Variants in USP20 observed in about 807,000 individuals in gnomAD.
The protein encoded by USP20 is ubiquitin specific peptidase 20.
In USP20, 80 loss-of-function variants were observed where a neutral mutation model predicts 124.2. The observed-to-expected ratio is 0.64, with a 90% confidence interval of 0.54 to 0.78. USP20 has a LOEUF of 0.78. USP20 is among the 30% of genes least tolerant of loss of function. The probability of loss-of-function intolerance (pLI) is 0.00; values close to 1 mark genes in which losing one functional copy is unlikely to be tolerated. For synonymous variants in USP20, 481 were observed against 512.3 expected (o/e 0.94, Z 0.83); for missense variants, 1,043 against 1,244.4 (o/e 0.84, Z 2.44).
chr9:129,852,701 A>G, intron 3 of USP20, 65 bp downstream of exon 3: 1 of 1,483,076 alleles, frequency 6.7e-7, no homozygotes, highest in African/African-American at 1.4e-5. Context: ...TGGGGTGTGG[A>G]CATTTCTGAA....
rs2034537359 is a variant in USP20, at chr9:129,879,227, G to C, written c.2513-346G>C. ...CTTCCCAGGCCTCGGCTCTGTCTCT[G>C]TAAACCTCTGTCTTGTCCTGTGGTT... On this transcript the variant is annotated intron_variant, in intron 23 of 25. Coordinates refer to ENST00000372429, the MANE Select transcript of USP20 (RefSeq NM_001110303.4). The surrounding 1 kb of genome is among the most constrained non-coding windows in gnomAD (Gnocchi z 4.2). The C allele has an allele frequency of 3.6e-6, 1 of 274,910 alleles. No individual in the cohort carries two copies. The highest frequency in any genetic ancestry group is 6.9e-6 in the Non-Finnish European group (1 of 145,418). The allele number at this position is 274,910 out of a possible 1,614,324, so 17.0% of individuals were successfully genotyped here.
Position 129,860,957 on chromosome 9 carries a change from C to T in USP20, c.351C>T (p.His117=), listed in dbSNP as rs1378659254. The T allele has an allele frequency of 5.0e-6, 8 of 1,612,756 alleles. No individual in the cohort carries two copies. Among genetic ancestry groups the T allele is most frequent in the Non-Finnish European group, 6.8e-6 (8 of 1,178,926 alleles). The change falls in exon 7 of 26, where the codon CAC becomes CAT. Residue 117 remains histidine, a synonymous_variant. Transcript: ENST00000372429. The stretch of plus-strand genomic sequence containing the variant: ...CACAGGACTCCCCGCCACCCTCCCA[C>T]CCTCTGAAAGCTGTTCCTATTGCTG... ...FSEQDSPPPS[H]PLKAVPIAVA... is the part of the protein sequence containing the mutation.
intron 10 of USP20, among the ~76,000 whole-genome samples, chr9:129,867,155 T>C (rs1389688427): frequency 6.6e-6 from 1 of 152,110 alleles, no homozygotes; most frequent in Non-Finnish European, 1.5e-5. Context: ...ACCCAAGTCC[T>C]TCTCCAATGC....
At chr9:129,878,893 A>AAATTTCG (rs1252332555) in intron 23 of USP20, among the ~76,000 whole-genome samples, 2 of 152,244 alleles carry the variant, frequency 1.3e-5, no homozygotes, top group South Asian at 2.1e-4. Flanking sequence ...CCTGCATTAA[A>AAATTTCG]AATTTCGGCT....
intron 3 of USP20, among the ~76,000 whole-genome samples, chr9:129,853,404 T>C (rs1338567267): frequency 2.0e-5 from 3 of 152,226 alleles, no homozygotes; most frequent in African/African-American, 7.2e-5. Flanking sequence ...CCACAGTGAC[T>C]GATGCTCTCT....
At chr9:129,844,659 G>A (rs1588241296) in intron 1 of USP20, among the ~76,000 whole-genome samples, 1 of 147,862 alleles carries the variant, frequency 6.8e-6, no homozygotes, top group Admixed American at 6.8e-5. Flanking sequence ...TTATATATTC[G>A]TACATGTAAA....
At chr9:129,860,898 T>G in intron 6 of USP20, 39 bp from the exon 7 acceptor site, 2 of 1,604,010 alleles carry the variant, frequency 1.2e-6, no homozygotes, top group Non-Finnish European at 1.7e-6. Context: ...CCCCAGCCCC[T>G]CTGTTCACTG....
chr9:129,878,063 T>C (rs1269634733), intron 22 of USP20, among the ~76,000 whole-genome samples: 1 of 152,150 alleles, frequency 6.6e-6, no homozygotes, highest in East Asian at 1.9e-4. Flanking sequence ...CAGAGTGAGA[T>C]TCCTTCTCAA....
Position 129,870,531 on chromosome 9 carries a change from C to T in USP20, c.1644C>T (p.Ala548=), listed in dbSNP as rs377721339. The T allele has an allele frequency of 1.6e-4, 264 of 1,614,012 alleles. 4 individuals are homozygous for T. In the East Asian group the frequency reaches 2.0e-3, roughly 12 times the overall value. Residue 548 remains alanine, a synonymous_variant, in exon 15 of 26, where the codon GCC becomes GCT. Transcript: ENST00000372429. ...AAGACTGCCTTGCTGCCTTCTTTGC[C>T]GCTGATGAGTTAAAGGGTGAGGGGC... The part of the protein sequence containing the change: ...TLEDCLAAFF[A]ADELKGDNMY...
intron 9 of USP20, 57 bp from the exon 10 acceptor site, chr9:129,865,246 C>T (rs770566312): frequency 3.8e-5 from 60 of 1,584,020 alleles, no homozygotes; most frequent in Non-Finnish European, 4.9e-5. Context: ...CTGCTTCTCT[C>T]GGGAATGAGC....
At chr9:129,869,630 A>G (rs1462699472) in intron 13 of USP20, 42 bp from the exon 14 acceptor site, 13 of 1,609,068 alleles carry the variant, frequency 8.1e-6, no homozygotes, top group Non-Finnish European at 2.5e-6. Flanking sequence ...GGGTGCAGAC[A>G]TTGCCAGAGG....
At chr9:129,855,710 G>T (rs552880934) in intron 3 of USP20, among the ~76,000 whole-genome samples, 1 of 152,284 alleles carries the variant, frequency 6.6e-6, no homozygotes, top group South Asian at 2.1e-4. Context: ...TCTGCAGCAG[G>T]CTAGCTGTGT....
intron 13 of USP20, 65 bp downstream of exon 13, chr9:129,869,490 G>T: frequency 6.4e-7 from 1 of 1,573,296 alleles, no homozygotes; most frequent in Non-Finnish European, 8.7e-7. Context: ...CTCTTGCCCT[G>T]ACTGGGTGCA....
chr9:129,860,347 C>T (rs752061344), intron 6 of USP20, among the ~76,000 whole-genome samples: 1 of 120,244 alleles, frequency 8.3e-6, no homozygotes, highest in African/African-American at 3.0e-5. Flanking sequence ...AAAAAAAAAA[C>T]GTCTACATAA....
At chr9:129,843,143 A>T (rs2032329267) in intron 1 of USP20, among the ~76,000 whole-genome samples, 2 of 147,832 alleles carry the variant, frequency 1.4e-5, no homozygotes, top group Admixed American at 6.8e-5. Flanking sequence ...TTGGTCAAAG[A>T]TGTAGGCCGG....
intron 4 of USP20, 127 bp downstream of exon 4, chr9:129,856,487 C>T (rs1242451428): frequency 1.1e-5 from 13 of 1,151,090 alleles, no homozygotes; most frequent in Middle Eastern, 3.9e-4. Context: ...CTGCCAGAAA[C>T]CTTGGGCTGG....
At chr9:129,841,644 C>T (rs2032219971) in intron 1 of USP20, among the ~76,000 whole-genome samples, 2 of 152,180 alleles carry the variant, frequency 1.3e-5, no homozygotes, top group South Asian at 2.1e-4. Flanking sequence ...GGAACCTTCA[C>T]GTTGCAGGGA....
intron 1 of USP20, among the ~76,000 whole-genome samples, chr9:129,840,766 C>CTTT (rs34092925): frequency 2.6e-4 from 31 of 120,442 alleles, no homozygotes; most frequent in East Asian, 1.3e-3. Context: ...CCTTTAGAAA[C>CTTT]TTTTTTTTTT....
rs779674171 is a variant in USP20 at position 129,874,810 on chromosome 9, G to A, written c.1922-19G>A. 1.9e-5 allele frequency: 31 copies of A among 1,613,990 alleles called. No homozygotes were observed. Among genetic ancestry groups the A allele is most frequent in the Middle Eastern group, 1.6e-4 (1 of 6,062 alleles). On this transcript the variant is annotated intron_variant, in intron 18 of 25. Transcript: ENST00000372429. ...CCATCCGCTAGGATCCCTGTGACCC[G>A]TCTGCTCTGCCGCCGCAGGTGGGCA...
Sources: gnomAD v4.1 joint callset for allele counts (sites outside exome capture counted in the v4.1 genomes callset) on GRCh38, gnomAD v4.1.1 for gene constraint, Gnocchi (gnomAD v3.1) non-coding constraint, MANE v1.5 for transcripts, NCBI Gene and HGNC (gene_info 2026-07-23, HGNC 2026-07-21) for gene names.